INTS10: variants seen among roughly 807,000 people sequenced by gnomAD.
The protein encoded by INTS10 is integrator complex subunit 10, also known as chromosome 8 open reading frame 35.
A neutral mutation model predicts 94.4 loss-of-function variants in INTS10; 44 were observed. The ratio of observed to expected loss-of-function variants is 0.47; its 90% CI spans 0.37 to 0.60. The LOEUF (loss-of-function observed/expected upper bound fraction) is 0.60. Among genes scored for constraint, INTS10 ranks in the 20% least tolerant of loss-of-function variants. The pLI is 0.00. For synonymous variants in INTS10, 341 were observed against 320.7 expected (o/e 1.06, Z -0.68); for missense variants, 797 against 868.7 (o/e 0.92, Z 1.04).
chr8:19,838,851 C>T (rs1318974400), intron 13 of INTS10, among the ~76,000 whole-genome samples: 1 of 151,730 alleles, frequency 6.6e-6, no homozygotes, highest in East Asian at 1.9e-4. Flanking sequence ...GCAGGAGGAT[C>T]ACGAGGTCAG....
Position 19,851,633 on chromosome 8 carries a change from C to A in INTS10, c.1977-16C>A. The stretch of plus-strand genomic sequence containing the variant: ...TAACCCCTGGTCTTTGTCTGTTTCC[C>A]TATTGCTGACCTCAGGCACCACACT... On this transcript the variant is annotated splice_polypyrimidine_tract_variant and intron_variant, in intron 16 of 16. Transcript: ENST00000397977. This position sits in a 1 kb window ranked among gnomAD's most constrained non-coding sequence, Gnocchi z 5.0. 1 of 1,613,904 alleles carries A rather than the reference C, an allele frequency of 6.2e-7. No homozygotes were observed. The highest frequency in any genetic ancestry group is 8.5e-7 in the Non-Finnish European group (1 of 1,179,818).
intron 11 of INTS10, 77 bp from the exon 12 acceptor site, chr8:19,833,092 A>T (rs1413745186): frequency 9.9e-6 from 13 of 1,306,768 alleles, no homozygotes; most frequent in Non-Finnish European, 4.1e-6. Flanking sequence ...TGCTTCGTGA[A>T]CCCTGGAACG....
At chr8:19,838,401 A>G (rs1037663875) in intron 13 of INTS10, among the ~76,000 whole-genome samples, 2 of 152,160 alleles carry the variant, frequency 1.3e-5, no homozygotes, top group Non-Finnish European at 2.9e-5. Context: ...AAGAAAGAAA[A>G]TAAATAAATC....
At position 19,819,636 on chromosome 8, in the gene INTS10, A is replaced by G; in HGVS notation, c.261A>G (p.Leu87=). The G allele has an allele frequency of 6.2e-7, 1 of 1,613,654 alleles. No individual in the cohort carries two copies. The highest frequency in any genetic ancestry group is 8.5e-7 in the Non-Finnish European group (1 of 1,179,714). The change falls in exon 3 of 17, where the codon TTA becomes TTG. Residue 87 remains leucine (L), a synonymous_variant. Transcript: ENST00000397977. ...WREISIITSA[L]RNDSQDKQTQ... is the part of the protein sequence containing the mutation. ...AAATCAGCATTATTACATCAGCATT[A>G]AGGAACGATTCACAGGACAAACAAA...
intron 9 of INTS10, 68 bp downstream of exon 9, chr8:19,826,627 A>G: frequency 6.9e-7 from 1 of 1,441,052 alleles, no homozygotes; most frequent in South Asian, 1.3e-5. Flanking sequence ...ATCTTTGTAA[A>G]ATATGGCTTT....
At chr8:19,836,319 T>C (rs1173966553) in intron 12 of INTS10, among the ~76,000 whole-genome samples, 3 of 152,078 alleles carry the variant, frequency 2.0e-5, no homozygotes, top group African/African-American at 7.2e-5. Flanking sequence ...AATCTGACTG[T>C]TGTTAGGAGA....
chr8:19,828,506 C>G (rs1163958784), intron 9 of INTS10, among the ~76,000 whole-genome samples: 1 of 152,226 alleles, frequency 6.6e-6, no homozygotes, highest in Admixed American at 6.5e-5. Context: ...ATTTCAAAAT[C>G]AGTTTCTTTA....
chr8:19,849,107 G>A lies in INTS10; in HGVS notation c.1977-2542G>A, dbSNP rs1029725752. The A allele has an allele frequency of 1.2e-6, 1 of 833,328 alleles. No homozygotes were observed. Among genetic ancestry groups the A allele is most frequent in the South Asian group, 1.4e-5 (1 of 71,862 alleles). 51.6% of individuals were successfully genotyped at this position (833,328 alleles called of 1,614,324 possible). A position where few individuals can be genotyped will look rare whatever the true frequency, so the allele number is the denominator to read the frequency against. The stretch of plus-strand genomic sequence containing the variant: ...TTTTCTCTGGAGTGTTGTTTTTGCA[G>A]TGCAGGGTGAGTCGGTGTGGGTGTT... On this transcript the variant is annotated intron_variant, in intron 16 of 16. Coordinates refer to ENST00000397977, the MANE Select transcript of INTS10 (RefSeq NM_018142.4). The surrounding 1 kb of genome is among the most constrained non-coding windows in gnomAD (Gnocchi z 4.6).
intron 1 of INTS10, chr8:19,818,050 G>C: frequency 5.0e-6 from 3 of 600,114 alleles, no homozygotes; most frequent in Non-Finnish European, 8.9e-6. Context: ...CTGCGACTTT[G>C]GAAATATTAT....
rs533259705 is a variant in INTS10, at chr8:19,849,402, T to G, written c.1977-2247T>G. 9.8e-5 allele frequency among the ~76,000 whole-genome samples: 15 copies of G among 152,364 alleles called. No individual in the cohort carries two copies. The South Asian group carries it at 3.1e-3, about 32-fold the overall frequency. ...CCATCTGGTTGTAATATTGTAACATTTCTTATTTTTTTTCCATAAGTTGCC... is the reference window on the plus strand; with the variant it reads ...CCATCTGGTTGTAATATTGTAACATGTCTTATTTTTTTTCCATAAGTTGCC... On this transcript the variant is annotated intron_variant, in intron 16 of 16. Transcript: ENST00000397977. The surrounding 1 kb of genome is among the most constrained non-coding windows in gnomAD (Gnocchi z 4.6).
Position 19,851,855 on chromosome 8 carries a change from A to G in INTS10, c.*50A>G. 6.5e-7 allele frequency: 1 copy of G among 1,545,020 alleles called. No homozygotes were observed. The highest frequency in any genetic ancestry group is 8.9e-7 in the Non-Finnish European group (1 of 1,119,294). On this transcript the variant is annotated 3_prime_UTR_variant, in exon 17 of 17. Transcript: ENST00000397977. The surrounding 1 kb of genome is among the most constrained non-coding windows in gnomAD (Gnocchi z 5.0). Reference sequence around the variant, plus strand: ...GCTCGGGCCTGTGTAATTGTAGGAGAAGACACTCAGCAGTGATTGCCATGG... The same window carrying G: ...GCTCGGGCCTGTGTAATTGTAGGAGGAGACACTCAGCAGTGATTGCCATGG...
At position 19,851,514 on chromosome 8, in the gene INTS10, ATTC is replaced by A; in HGVS notation, c.1977-132_1977-130del. ...CTGGAATGTTTGGTTGGTTGCAGCTATTCTTGTGTTCTTTTTAAAATATCTGAA... is the reference window on the plus strand; with the variant it reads ...CTGGAATGTTTGGTTGGTTGCAGCTATTGTGTTCTTTTTAAAATATCTGAA... On this transcript the variant is annotated intron_variant, in intron 16 of 16. Coordinates refer to ENST00000397977, the MANE Select transcript of INTS10 (RefSeq NM_018142.4). This position sits in a 1 kb window ranked among gnomAD's most constrained non-coding sequence, Gnocchi z 5.0. 1.3e-6 allele frequency: 1 copy of A among 765,770 alleles called. No homozygotes were observed. Among genetic ancestry groups the A allele is most frequent in the Non-Finnish European group, 2.1e-6 (1 of 468,480 alleles). The allele number at this position is 765,770 out of a possible 1,614,324, so 47.4% of individuals were successfully genotyped here.
Position 19,830,243 on chromosome 8 carries a change from A to T in INTS10, c.1141-163A>T, listed in dbSNP as rs200875073. Among the ~76,000 whole-genome samples the T allele has an allele frequency of 3.9e-4, 59 of 150,100 alleles. 1 individual carries two copies. The South Asian group carries it at 7.6e-3, about 19-fold the overall frequency. ...TGTGAGAGTATAAAGACAAAAAAAA[A>T]TTAATTTTCAAAGCTAAATTGTTAA... On this transcript the variant is annotated intron_variant, in intron 9 of 16. Coordinates refer to ENST00000397977, the MANE Select transcript of INTS10 (RefSeq NM_018142.4).
chr8:19,833,303 T>C lies in INTS10; in HGVS notation c.1512T>C (p.Phe504=). 1 of 1,612,172 alleles carries C rather than the reference T, an allele frequency of 6.2e-7. No individual in the cohort carries two copies. Among genetic ancestry groups the C allele is most frequent in the East Asian group, 2.2e-5 (1 of 44,736 alleles). Residue 504 remains phenylalanine (F), a synonymous_variant, in exon 12 of 17, where the codon TTT becomes TTC. Coordinates refer to ENST00000397977, the MANE Select transcript of INTS10 (RefSeq NM_018142.4). ...TCATCCAGCTGGCGACGTGCCACTTTGCGCTAGGGGAGTACAGAGTGAGTA... is the reference window on the plus strand; with the variant it reads ...TCATCCAGCTGGCGACGTGCCACTTCGCGCTAGGGGAGTACAGAGTGAGTA... The part of the protein sequence containing the change: ...RALIQLATCH[F]ALGEYRMTCE...
intron 11 of INTS10, among the ~76,000 whole-genome samples, chr8:19,832,694 C>T (rs1479708596): frequency 6.6e-6 from 1 of 152,226 alleles, no homozygotes; most frequent in East Asian, 1.9e-4. Context: ...GATTACTTCT[C>T]ACCCTCCTCT....
At chr8:19,830,670 A>AT (rs1040145394) in intron 10 of INTS10, 111 bp downstream of exon 10, 11,970 of 905,946 alleles carry the variant, frequency 0.013, 1 homozygote, top group East Asian at 0.018. Context: ...TAGTTCATGC[A>AT]TTTTTTTTTT....
At chr8:19,844,287 A>G (rs751720452) in intron 15 of INTS10, 49 bp downstream of exon 15, 5 of 1,289,582 alleles carry the variant, frequency 3.9e-6, no homozygotes, top group Non-Finnish European at 5.5e-6. Context: ...TTTCTTTAGA[A>G]TGAATACATG....
At position 19,823,331 on chromosome 8, in the gene INTS10, A is replaced by G. The variant is rs1317097930; in HGVS notation, c.554A>G (p.Asn185Ser). 6.2e-7 allele frequency: 1 copy of G among 1,608,148 alleles called. No homozygotes were observed. The highest frequency in any genetic ancestry group is 1.1e-5 in the South Asian group (1 of 90,946). Residue 185 changes from asparagine to serine, a missense_variant, in exon 6 of 17, where the codon AAC becomes AGC. By Grantham distance (46) the Asn-to-Ser change is conservative (BLOSUM62 1). This residue lies in a region of INTS10 where 734 missense variants were observed against 787.8 expected (regional missense o/e 0.93). Coordinates refer to ENST00000397977, the MANE Select transcript of INTS10 (RefSeq NM_018142.4). ...GATGTCCTTCCTCTAATAATTAACA[A>G]CCATGATGTTCGATTACCTGCCAAT... Reference protein sequence around the residue: ...VCDVLPLIINNHDVRLPANLL... With the variant: ...VCDVLPLIINSHDVRLPANLL...
At chr8:19,836,274 G>T (rs1315719482) in intron 12 of INTS10, among the ~76,000 whole-genome samples, 1 of 152,024 alleles carries the variant, frequency 6.6e-6, no homozygotes, top group East Asian at 1.9e-4. Flanking sequence ...GAACAAAAGG[G>T]TTTGCTTGAC....
Sources: allele counts gnomAD v4.1 joint callset (sites outside exome capture counted in the v4.1 genomes callset), GRCh38; gene constraint gnomAD v4.1.1; regional missense constraint gnomAD v4.1.1; non-coding constraint Gnocchi (gnomAD v3.1); transcripts MANE v1.5; gene names NCBI Gene and HGNC (gene_info 2026-07-23, HGNC 2026-07-21).